The following IKZF2 variants were observed in gnomAD, a reference collection of about 807,000 sequenced individuals.
The protein encoded by IKZF2 is zinc finger protein Helios.
IKZF2 carries 15 observed loss-of-function variants against 49.2 expected under a neutral mutation model. That is an observed-to-expected ratio of 0.30 (90% confidence interval 0.20 to 0.47). The LOEUF (loss-of-function observed/expected upper bound fraction) is 0.47, where lower values mean the gene tolerates loss of function less well. Among genes scored for constraint, IKZF2 ranks in the 20% least tolerant of loss-of-function variants. The pLI, the probability that IKZF2 is intolerant of heterozygous loss-of-function variation, is 1.00. For synonymous variants in IKZF2, 227 were observed against 221.4 expected, an observed-to-expected ratio of 1.03 and a Z score of -0.23; for missense variants, 567 against 664.6, an observed-to-expected ratio of 0.85 and a Z score of 1.61.
At chr2:213,019,920 CAA>C (rs1697022103) in intron 7 of IKZF2, among the ~76,000 whole-genome samples, 1 of 152,188 alleles carries the variant, frequency 6.6e-6, no homozygotes, top group African/African-American at 2.4e-5. Context: ...TCTAAAAGTT[CAA>C]TCTGCCAACA....
chr2:213,025,535 AC>A (rs776102495), intron 6 of IKZF2, among the ~76,000 whole-genome samples: 6 of 152,092 alleles, frequency 3.9e-5, no homozygotes, highest in Non-Finnish European at 8.8e-5. Context: ...CCTAGTCCAA[AC>A]GATGAGCTTC....
At chr2:213,089,985 A>ATCACTCAC (rs1705113983) in intron 4 of IKZF2, among the ~76,000 whole-genome samples, 1 of 152,172 alleles carries the variant, frequency 6.6e-6, no homozygotes, top group Non-Finnish European at 1.5e-5. Context: ...ACAATACAAT[A>ATCACTCAC]TCACTCACAG....
chr2:213,026,071 A>G (rs369579958), intron 6 of IKZF2, among the ~76,000 whole-genome samples: 8 of 152,078 alleles, frequency 5.3e-5, no homozygotes, highest in African/African-American at 1.9e-4. Flanking sequence ...TATTGAACTA[A>G]GTTGAAATCC....
intron 4 of IKZF2, among the ~76,000 whole-genome samples, chr2:213,141,303 T>A (rs970849003): frequency 2.0e-5 from 3 of 151,954 alleles, no homozygotes; most frequent in Admixed American, 6.6e-5. Flanking sequence ...CTGGTCCCCA[T>A]CCACAATCTT....
intron 4 of IKZF2, among the ~76,000 whole-genome samples, chr2:213,140,497 T>C (rs1367552705): frequency 6.6e-6 from 1 of 151,934 alleles, no homozygotes; most frequent in East Asian, 1.9e-4. Context: ...GTAATAAGTA[T>C]GTAATATTTT....
At chr2:213,066,677 C>T (rs1320388084) in intron 4 of IKZF2, among the ~76,000 whole-genome samples, 1 of 152,032 alleles carries the variant, frequency 6.6e-6, no homozygotes, top group Non-Finnish European at 1.5e-5. Flanking sequence ...TACTTATTTT[C>T]CACAATGTAG....
upstream of IKZF2, among the ~76,000 whole-genome samples, chr2:213,151,939 C>G (rs1010059877): frequency 6.5e-4 from 99 of 151,496 alleles, 3 homozygotes; most frequent in Non-Finnish European, 2.1e-4. Flanking sequence ...GATTACAGGA[C>G]AAGTGCTGCC....
chr2:213,068,267 T>C (rs1160823469), intron 4 of IKZF2, among the ~76,000 whole-genome samples: 1 of 152,130 alleles, frequency 6.6e-6, no homozygotes, highest in Non-Finnish European at 1.5e-5. Context: ...TGCTTTCTGG[T>C]CAGGTAAGTA....
intron 6 of IKZF2, among the ~76,000 whole-genome samples, chr2:213,042,505 T>C (rs1699759902): frequency 1.3e-5 from 2 of 152,196 alleles, no homozygotes; most frequent in Admixed American, 1.3e-4. Flanking sequence ...TAGCAAAACC[T>C]ATTTATGCCA....
chr2:213,063,804 T>C (rs1490697631), intron 4 of IKZF2, among the ~76,000 whole-genome samples: 1 of 151,968 alleles, frequency 6.6e-6, no homozygotes, highest in Non-Finnish European at 1.5e-5. Context: ...GGCTCTCCAA[T>C]GAAACAAGTA....
At chr2:213,043,308 T>A (rs1216713009) in intron 6 of IKZF2, among the ~76,000 whole-genome samples, 5 of 152,184 alleles carry the variant, frequency 3.3e-5, no homozygotes, top group African/African-American at 1.2e-4. Flanking sequence ...TTCATGCACA[T>A]CTGTGCTGGG....
intron 6 of IKZF2, among the ~76,000 whole-genome samples, chr2:213,024,869 A>G (rs1697648118): frequency 6.6e-6 from 1 of 152,062 alleles, no homozygotes; most frequent in Non-Finnish European, 1.5e-5. Context: ...CTCCCTATAC[A>G]TGTGTTTATC....
chr2:213,059,788 G>T (rs1701506441), intron 4 of IKZF2, among the ~76,000 whole-genome samples: 1 of 151,324 alleles, frequency 6.6e-6, no homozygotes, highest in South Asian at 2.1e-4. Flanking sequence ...ATAAAAATGT[G>T]ATTTTTAAAA....
intron 4 of IKZF2, among the ~76,000 whole-genome samples, chr2:213,137,673 G>C (rs1371835761): frequency 6.6e-6 from 1 of 152,026 alleles, no homozygotes; most frequent in Non-Finnish European, 1.5e-5. Flanking sequence ...GCATAAGTCT[G>C]ATTAGAAGAC....
chr2:213,041,109 C>A (rs1472400100), intron 6 of IKZF2, among the ~76,000 whole-genome samples: 4 of 150,782 alleles, frequency 2.7e-5, no homozygotes, highest in Non-Finnish European at 4.4e-5. Flanking sequence ...CAGAGTGAGA[C>A]CCTGTCTCAG....
chr2:213,115,777 T>C (rs1268826479), intron 4 of IKZF2, among the ~76,000 whole-genome samples: 1 of 152,240 alleles, frequency 6.6e-6, no homozygotes, highest in Non-Finnish European at 1.5e-5. Context: ...ACAATGGAAA[T>C]GCTAAACACC....
chr2:213,111,970 C>A (rs1006834508), intron 4 of IKZF2, among the ~76,000 whole-genome samples: 3 of 152,202 alleles, frequency 2.0e-5, no homozygotes, highest in Admixed American at 6.5e-5. Flanking sequence ...ACTGCCTCTT[C>A]TTTTTGGACT....
At chr2:213,105,857 T>G (rs1574862072) in intron 4 of IKZF2, among the ~76,000 whole-genome samples, 1 of 152,204 alleles carries the variant, frequency 6.6e-6, no homozygotes, top group Admixed American at 6.5e-5. Flanking sequence ...CAGACTCTTC[T>G]GGAAAACTTT....
Position 213,007,667 on chromosome 2 carries a change from G to A in IKZF2, c.1274C>T (p.Ala425Val). 2 of 1,613,686 alleles carry A rather than the reference G, an allele frequency of 1.2e-6. No individual in the cohort carries two copies. Among genetic ancestry groups the A allele is most frequent in the East Asian group, 4.5e-5 (2 of 44,838 alleles). ...DDHQSYQGHP[A>V]LNPKRKQSPA... ...GCTTTGTTTCCTCTTGGGATTTAAG[G>A]CAGGGTGTCCTTGGTAGGACTGGTG... Residue 425 changes from alanine (A) to valine (V), a missense_variant, in exon 9 of 9, where the codon GCC becomes GTC. By Grantham distance (64) the Ala-to-Val change is moderately conservative (BLOSUM62 0). Transcript: ENST00000434687.
Sources: gnomAD v4.1 joint callset for allele counts (sites outside exome capture counted in the v4.1 genomes callset) on GRCh38, gnomAD v4.1.1 for gene constraint, MANE v1.5 for transcripts, NCBI Gene and HGNC (gene_info 2026-07-23, HGNC 2026-07-21) for gene names.